HSD17B12: variants seen among roughly 807,000 people sequenced by gnomAD.
The protein encoded by HSD17B12 is very-long-chain 3-oxoacyl-CoA reductase.
In HSD17B12, 32 loss-of-function variants were observed where a neutral mutation model predicts 39.3. That is an observed-to-expected ratio of 0.81 (90% CI 0.61 to 1.09). The LOEUF is 1.09. Ranked by LOEUF, HSD17B12 falls within the 50% of genes least tolerant of loss-of-function variation. The pLI, the probability that HSD17B12 is intolerant of heterozygous loss-of-function variation, is 0.00. For missense variants in HSD17B12, 342 were observed against 382.9 expected, an observed-to-expected ratio of 0.89 and a Z score of 0.89; for synonymous variants, 150 against 146.7, an observed-to-expected ratio of 1.02 and a Z score of -0.16.
At chr11:43,685,121 G>A (rs140083237) in intron 1 of HSD17B12, among the ~76,000 whole-genome samples, 145 of 152,254 alleles carry the variant, frequency 9.5e-4, no homozygotes, top group African/African-American at 3.4e-3. Context: ...TCTACCCTCT[G>A]GATGTTTACA....
At chr11:43,809,330 CT>C (rs1225047616) in intron 4 of HSD17B12, among the ~76,000 whole-genome samples, 1 of 152,106 alleles carries the variant, frequency 6.6e-6, no homozygotes, top group Non-Finnish European at 1.5e-5. Flanking sequence ...TCACTAGTTT[CT>C]TGTTAGGAGC....
At chr11:43,567,782 T>G in the HSD17B12 span, among the ~76,000 whole-genome samples, 1 of 152,244 alleles carries the variant, frequency 6.6e-6, no homozygotes, top group African/African-American at 2.4e-5. Context: ...AAGATAGTGC[T>G]AAGCATTTTG....
intron 1 of HSD17B12, among the ~76,000 whole-genome samples, chr11:43,723,086 G>A (rs1347723199): frequency 6.6e-6 from 1 of 152,022 alleles, no homozygotes; most frequent in Admixed American, 6.6e-5. Flanking sequence ...TTATTGGTAT[G>A]GAGAATTAAT....
At chr11:43,832,394 A>G (rs1448025980) in intron 7 of HSD17B12, among the ~76,000 whole-genome samples, 1 of 152,266 alleles carries the variant, frequency 6.6e-6, no homozygotes, top group Non-Finnish European at 1.5e-5. Flanking sequence ...GATGAAAACC[A>G]TATCAAAAGA....
the HSD17B12 span, among the ~76,000 whole-genome samples, chr11:43,655,048 C>T: frequency 7.1e-4 from 108 of 152,198 alleles, no homozygotes; most frequent in Non-Finnish European, 1.3e-3. Context: ...CATGGAATGT[C>T]CTTCCATTTG....
chr11:43,623,600 T>C, the HSD17B12 span, among the ~76,000 whole-genome samples: 2 of 152,090 alleles, frequency 1.3e-5, no homozygotes, highest in African/African-American at 2.4e-5. Context: ...AGCAATGTAT[T>C]TTTAAAAGCT....
At chr11:43,612,770 A>G in the HSD17B12 span, among the ~76,000 whole-genome samples, 1 of 152,248 alleles carries the variant, frequency 6.6e-6, no homozygotes, top group East Asian at 1.9e-4. Context: ...GAAAATGGCT[A>G]AAGTGAAAGA....
intron 1 of HSD17B12, among the ~76,000 whole-genome samples, chr11:43,728,047 GT>G (rs532682240): frequency 2.7e-5 from 4 of 148,220 alleles, no homozygotes; most frequent in East Asian, 2.0e-4. Context: ...GTGTGATTCT[GT>G]TTTTTTTTTG....
chr11:43,817,480 G>T (rs1049197059), intron 6 of HSD17B12, among the ~76,000 whole-genome samples: 3 of 152,098 alleles, frequency 2.0e-5, no homozygotes, highest in Non-Finnish European at 2.9e-5. Flanking sequence ...ATAGTTTCAG[G>T]TCCTAAATTT....
In HSD17B12 at chr11:43,706,691, T is replaced by G. The variant is rs868719319; in HGVS notation, c.160+25704T>G. 4.3e-4 allele frequency among the ~76,000 whole-genome samples: 61 copies of G among 143,400 alleles called. 1 individual carries two copies. Among genetic ancestry groups the G allele is most frequent in the East Asian group, 2.3e-3 (11 of 4,808 alleles). The allele number at this position is 143,400 out of a possible 152,430, so 94.1% of individuals were successfully genotyped here. Reference sequence around the variant, plus strand: ...AAGCTTTGCTCTGTGAATGAAGGGGTGTGTGTGTGTGTGTGTGTGTGTGTG... The same window carrying G: ...AAGCTTTGCTCTGTGAATGAAGGGGGGTGTGTGTGTGTGTGTGTGTGTGTG... On this transcript the variant is annotated intron_variant, in intron 1 of 10. Coordinates refer to ENST00000278353, the MANE Select transcript of HSD17B12 (RefSeq NM_016142.3).
rs191217025 is a variant in HSD17B12 at position 43,855,332 on chromosome 11, T to C, written c.*84T>C. 9 of 710,578 alleles carry C rather than the reference T, an allele frequency of 1.3e-5. No individual in the cohort carries two copies. Among genetic ancestry groups the C allele is most frequent in the Non-Finnish European group, 4.6e-6 (2 of 435,038 alleles). 44.0% of individuals were successfully genotyped at this position (710,578 alleles called of 1,614,324 possible). On this transcript the variant is annotated 3_prime_UTR_variant, in exon 11 of 11. Coordinates refer to ENST00000278353, the MANE Select transcript of HSD17B12 (RefSeq NM_016142.3). ...AAGCACCCTACTGGTTTTGAAAATC[T>C]GACCTTGTCATTTCAATAGTTATTA...
chr11:43,767,831 G>A (rs1950609373), intron 3 of HSD17B12, among the ~76,000 whole-genome samples: 1 of 152,152 alleles, frequency 6.6e-6, no homozygotes, highest in Admixed American at 6.5e-5. Context: ...TCTGTTTAAT[G>A]CTGTAGAGAT....
chr11:43,694,218 A>G (rs1349474628), intron 1 of HSD17B12, among the ~76,000 whole-genome samples: 3 of 152,166 alleles, frequency 2.0e-5, no homozygotes, highest in Non-Finnish European at 4.4e-5. Flanking sequence ...CCAGATGGAG[A>G]TGCAGTGACT....
intron 1 of HSD17B12, among the ~76,000 whole-genome samples, chr11:43,715,187 A>G (rs1297522874): frequency 6.6e-6 from 1 of 152,100 alleles, no homozygotes; most frequent in Non-Finnish European, 1.5e-5. Flanking sequence ...GAGAGAGGGC[A>G]TCCCTGTCTT....
In HSD17B12 at chr11:43,855,314, C is replaced by T. The variant is rs1380690691; in HGVS notation, c.*66C>T. The T allele has an allele frequency of 6.7e-6, 6 of 894,466 alleles. No individual in the cohort carries two copies. The East Asian group carries it at 1.6e-4, about 23-fold the overall frequency. 55.4% of individuals were successfully genotyped at this position (894,466 alleles called of 1,614,324 possible). Reference sequence around the variant, plus strand: ...ATATGCACGTTCACTGCAAAGCACCCTACTGGTTTTGAAAATCTGACCTTG... The same window carrying T: ...ATATGCACGTTCACTGCAAAGCACCTTACTGGTTTTGAAAATCTGACCTTG... On this transcript the variant is annotated 3_prime_UTR_variant, in exon 11 of 11. Transcript: ENST00000278353.
the HSD17B12 span, among the ~76,000 whole-genome samples, chr11:43,614,828 T>A: frequency 0.68 from 103,109 of 151,882 alleles, 35,272 homozygotes; most frequent in East Asian, 0.81. Context: ...TATAATTTCT[T>A]CTTCTGTGCT....
At chr11:43,675,342 A>G in the HSD17B12 span, among the ~76,000 whole-genome samples, 1 of 152,166 alleles carries the variant, frequency 6.6e-6, no homozygotes, top group African/African-American at 2.4e-5. Flanking sequence ...TAAATAATAC[A>G]AAGGAGTGAG....
chr11:43,680,696 G>A, upstream of HSD17B12: 4 of 727,458 alleles, frequency 5.5e-6, no homozygotes, highest in Non-Finnish European at 9.6e-6. Context: ...CCCCGCGGGC[G>A]GGGTTTAGGC....
chr11:43,736,962 A>G (rs1950321643), intron 1 of HSD17B12, among the ~76,000 whole-genome samples: 1 of 152,188 alleles, frequency 6.6e-6, no homozygotes, highest in Non-Finnish European at 1.5e-5. Flanking sequence ...ATAGATTCCC[A>G]AGAGGAATAC....
Sources: allele counts gnomAD v4.1 joint callset (sites outside exome capture counted in the v4.1 genomes callset), GRCh38; gene constraint gnomAD v4.1.1; transcripts MANE v1.5; gene names NCBI Gene and HGNC (gene_info 2026-07-23, HGNC 2026-07-21).